Variants in HMGA2 observed in about 807,000 individuals in gnomAD.
HMGA2 encodes high mobility group protein HMGI-C.
A neutral mutation model predicts 19.1 loss-of-function variants in HMGA2; 8 were observed. The ratio of observed to expected loss-of-function variants is 0.42; its 90% CI spans 0.25 to 0.76. The LOEUF (loss-of-function observed/expected upper bound fraction) is 0.76, where lower values mean the gene tolerates loss of function less well. Ranked by LOEUF, HMGA2 falls within the 30% of genes least tolerant of loss-of-function variation. HMGA2 has a pLI of 0.28. For missense variants in HMGA2, 109 were observed against 136.3 expected (o/e 0.80, Z 1.00); for synonymous variants, 60 against 48.8 (o/e 1.23, Z -0.96).
chr12:65,932,390 T>A (rs1020618876), intron 3 of HMGA2, among the ~76,000 whole-genome samples: 1 of 152,264 alleles, frequency 6.6e-6, no homozygotes, highest in Non-Finnish European at 1.5e-5. Flanking sequence ...TCACTAGACT[T>A]GTCAAGTGGC....
In HMGA2 at chr12:65,965,869, C is replaced by T. The variant is rs1490070608; in HGVS notation, c.*2577C>T. 1 of 214,148 alleles carries T rather than the reference C, an allele frequency of 4.7e-6. No homozygotes were observed. 13.3% of individuals were successfully genotyped at this position (214,148 alleles called of 1,614,324 possible). A position where few individuals can be genotyped will look rare whatever the true frequency, so the allele number is the denominator to read the frequency against. ...TCATACTGAAAAAAAAAGCTTGTGG[C>T]CAATGGAACAGTAAGAACATCATAA... On this transcript the variant is annotated 3_prime_UTR_variant, in exon 5 of 5. Coordinates refer to ENST00000403681, the MANE Select transcript of HMGA2 (RefSeq NM_003483.6).
chr12:65,904,172 A>G (rs1406429709), intron 3 of HMGA2, among the ~76,000 whole-genome samples: 1 of 152,212 alleles, frequency 6.6e-6, no homozygotes, highest in East Asian at 1.9e-4. Context: ...GATCTGTTCA[A>G]CGTCATAGAA....
rs1870052834 is a variant in HMGA2 at position 65,824,779 on chromosome 12, G to C, written c.-492G>C. On this transcript the variant is annotated 5_prime_UTR_variant, in exon 1 of 5. Coordinates refer to ENST00000403681, the MANE Select transcript of HMGA2 (RefSeq NM_003483.6). Reference sequence around the variant, plus strand: ...TCTCTCTCTCTCTCTCGCAGGGTGGGGGGAAGAGGAGGAGGAATTCTTTCC... The same window carrying C: ...TCTCTCTCTCTCTCTCGCAGGGTGGCGGGAAGAGGAGGAGGAATTCTTTCC... 1 of 226,186 alleles carries C rather than the reference G, an allele frequency of 4.4e-6. No homozygotes were observed. Among genetic ancestry groups the C allele is most frequent in the African/African-American group, 2.3e-5 (1 of 42,672 alleles). The allele number at this position is 226,186 out of a possible 1,614,324, so 14.0% of individuals were successfully genotyped here.
intron 3 of HMGA2, among the ~76,000 whole-genome samples, chr12:65,949,595 A>G (rs1174538628): frequency 6.6e-6 from 1 of 152,220 alleles, no homozygotes; most frequent in African/African-American, 2.4e-5. Flanking sequence ...CTTCAAATCC[A>G]TCTTTTATAA....
intron 3 of HMGA2, among the ~76,000 whole-genome samples, chr12:65,886,721 A>G (rs1297917054): frequency 1.8e-4 from 27 of 152,180 alleles, no homozygotes. Context: ...CTAAAAGACA[A>G]CACAGAGGTG....
At chr12:65,889,495 A>G (rs1873814236) in intron 3 of HMGA2, among the ~76,000 whole-genome samples, 1 of 152,202 alleles carries the variant, frequency 6.6e-6, no homozygotes, top group Non-Finnish European at 1.5e-5. Flanking sequence ...TAAAAAGTGA[A>G]TATTCTAGAG....
At chr12:65,860,048 T>C (rs751493301) in intron 3 of HMGA2, 3 of 452,952 alleles carry the variant, frequency 6.6e-6, no homozygotes, top group South Asian at 4.7e-5. Flanking sequence ...GCCATGACTG[T>C]GCTACTGCAC....
chr12:65,915,061 C>A (rs751818212), intron 3 of HMGA2: 2 of 1,613,524 alleles, frequency 1.2e-6, no homozygotes, highest in Admixed American at 1.7e-5. Flanking sequence ...ATCCACAGGA[C>A]AATCTACTAC....
intron 3 of HMGA2, chr12:65,874,208 T>C (rs951476620): frequency 6.6e-6 from 1 of 151,430 alleles, no homozygotes; most frequent in Non-Finnish European, 1.5e-5. Flanking sequence ...AAAGAAAACT[T>C]ATTTTTGTTT....
rs116665649 is a variant in HMGA2 at position 65,935,323 on chromosome 12, T to A, written c.250-16060T>A. On this transcript the variant is annotated intron_variant, in intron 3 of 4. Coordinates refer to ENST00000403681, the MANE Select transcript of HMGA2 (RefSeq NM_003483.6). ...ACAGTGAACTTATAGTTGAATGTGA[T>A]CTATTAGATGGCTGCTTAACATTTG... 8.3e-4 allele frequency among the ~76,000 whole-genome samples: 126 copies of A among 152,342 alleles called. 1 individual carries two copies. Among genetic ancestry groups the A allele is most frequent in the African/African-American group, 2.9e-3 (122 of 41,580 alleles).
chr12:65,855,458 T>TCTCTCACACA (rs140365204), intron 3 of HMGA2, among the ~76,000 whole-genome samples: 5 of 140,234 alleles, frequency 3.6e-5, no homozygotes, highest in South Asian at 2.3e-4. Flanking sequence ...TCTCTCTCTC[T>TCTCTCACACA]CACACACACA....
At chr12:65,833,982 T>TTA (rs903819185) in intron 2 of HMGA2, among the ~76,000 whole-genome samples, 2 of 152,276 alleles carry the variant, frequency 1.3e-5, no homozygotes, top group African/African-American at 4.8e-5. Flanking sequence ...GTCAGGCACT[T>TTA]TATATATATG....
intron 3 of HMGA2, among the ~76,000 whole-genome samples, chr12:65,948,060 C>A (rs1011744759): frequency 1.1e-4 from 17 of 152,020 alleles, no homozygotes; most frequent in African/African-American, 3.9e-4. Flanking sequence ...TCAGTAGACT[C>A]GGGTTGTTTT....
At chr12:65,927,157 T>G (rs894968922) in intron 3 of HMGA2, among the ~76,000 whole-genome samples, 35 of 152,346 alleles carry the variant, frequency 2.3e-4, no homozygotes, top group African/African-American at 8.2e-4. Flanking sequence ...AGCCCTGGAT[T>G]GTTTTTTTAC....
At chr12:65,844,437 G>A (rs908675139) in intron 3 of HMGA2, among the ~76,000 whole-genome samples, 1 of 151,784 alleles carries the variant, frequency 6.6e-6, no homozygotes, top group African/African-American at 2.4e-5. Flanking sequence ...TTCCCTATGG[G>A]GAAAAGTAGC....
At chr12:65,866,885 G>T (rs552751342) in intron 3 of HMGA2, 120 of 457,068 alleles carry the variant, frequency 2.6e-4, no homozygotes, top group South Asian at 1.8e-3. Flanking sequence ...TTCTGCTGCT[G>T]TTTTCCTTCT....
chr12:65,843,006 A>G, intron 3 of HMGA2: 1 of 400,996 alleles, frequency 2.5e-6, no homozygotes, highest in Non-Finnish European at 3.7e-6. Flanking sequence ...AATGAAGACT[A>G]CATCAATGGG....
chr12:65,848,906 G>C (rs1300577934), intron 3 of HMGA2, among the ~76,000 whole-genome samples: 4 of 152,142 alleles, frequency 2.6e-5, no homozygotes, highest in Admixed American at 2.0e-4. Context: ...GGAAGTGCAG[G>C]TTTACCAAGT....
At chr12:65,931,563 G>C (rs1296555026) in intron 3 of HMGA2, among the ~76,000 whole-genome samples, 1 of 149,252 alleles carries the variant, frequency 6.7e-6, no homozygotes, top group Non-Finnish European at 1.5e-5. Flanking sequence ...GTGTGTGTGT[G>C]TGTGTGTGTG....
Sources: gnomAD v4.1 joint callset for allele counts (sites outside exome capture counted in the v4.1 genomes callset) on GRCh38, gnomAD v4.1.1 for gene constraint, MANE v1.5 for transcripts, NCBI Gene and HGNC (gene_info 2026-07-23, HGNC 2026-07-21) for gene names.